The following GRHL2 variants were observed in gnomAD, a reference collection of about 807,000 sequenced individuals.
GRHL2 encodes grainyhead like transcription factor 2.
Under a neutral mutation model 83.8 loss-of-function variants are expected in GRHL2, and 21 were observed. The ratio of observed to expected loss-of-function variants is 0.25; its 90% CI spans 0.18 to 0.36. The LOEUF (loss-of-function observed/expected upper bound fraction) is 0.36, where lower values mean the gene tolerates loss of function less well. GRHL2 is among the 10% of genes least tolerant of loss of function. The pLI is 1.00. For synonymous variants in GRHL2, 280 were observed against 278.9 expected, an observed-to-expected ratio of 1.00 and a Z score of -0.04; for missense variants, 623 against 781.8, an observed-to-expected ratio of 0.80 and a Z score of 2.42.
intron 9 of GRHL2, among the ~76,000 whole-genome samples, chr8:101,624,368 G>A (rs1347323115): frequency 6.9e-6 from 1 of 145,444 alleles, no homozygotes; most frequent in East Asian, 2.2e-4. Context: ...AACAGTGTAG[G>A]GCAGTTCAGA....
Position 101,638,574 on chromosome 8 carries a change from C to T in GRHL2, c.1517+1646C>T, listed in dbSNP as rs143695398. On this transcript the variant is annotated intron_variant, in intron 12 of 15. Coordinates refer to ENST00000646743, the MANE Select transcript of GRHL2 (RefSeq NM_024915.4). ...GCAAAGTCTAAATATTTACTGCCTGCCCCTTTACAGAAAAAGTTTGCCACC... is the reference window on the plus strand; with the variant it reads ...GCAAAGTCTAAATATTTACTGCCTGTCCCTTTACAGAAAAAGTTTGCCACC... 3.7e-3 allele frequency among the ~76,000 whole-genome samples: 564 copies of T among 152,232 alleles called. 4 individuals are homozygous for T. Among genetic ancestry groups the T allele is most frequent in the African/African-American group, 0.013 (521 of 41,522 alleles).
chr8:101,513,668 T>C (rs1002805058), intron 1 of GRHL2, among the ~76,000 whole-genome samples: 1 of 151,906 alleles, frequency 6.6e-6, no homozygotes, highest in African/African-American at 2.4e-5. Context: ...CTAATTTTTG[T>C]ATTTTTAGTA....
chr8:101,652,384 G>GTGGTGTGT (rs1372190037), intron 14 of GRHL2, among the ~76,000 whole-genome samples: 755 of 61,448 alleles, frequency 0.012, 76 homozygotes, highest in Non-Finnish European at 0.017. Flanking sequence ...ATGTGTGTGT[G>GTGGTGTGT]GTGTGTGTGT....
chr8:101,494,169 G>A (rs1335798308), intron 1 of GRHL2, among the ~76,000 whole-genome samples: 1 of 152,170 alleles, frequency 6.6e-6, no homozygotes, highest in Non-Finnish European at 1.5e-5. Context: ...GCCGCGGGCC[G>A]CTGGGCCTGT....
chr8:101,580,541 C>A (rs1229364231), intron 7 of GRHL2, among the ~76,000 whole-genome samples: 2 of 152,038 alleles, frequency 1.3e-5, no homozygotes, highest in Non-Finnish European at 2.9e-5. Context: ...AGGCGAGAGC[C>A]ACTGCGCCTG....
At chr8:101,656,113 C>T (rs765788551) in intron 14 of GRHL2, among the ~76,000 whole-genome samples, 16 of 152,254 alleles carry the variant, frequency 1.1e-4, no homozygotes, top group African/African-American at 2.4e-4. Context: ...ATTCACAGCA[C>T]TTATCACCAC....
In GRHL2 at chr8:101,668,394, A is replaced by T. The variant is rs1814127374; in HGVS notation, c.*1691A>T. On this transcript the variant is annotated 3_prime_UTR_variant, in exon 16 of 16. Transcript: ENST00000646743. ...ATCTGTCCCTGAGATGCAGAGCAGG[A>T]TGGAGGGTCTGCTTCTAGCTCAGCT... 1 of 152,718 alleles carries T rather than the reference A, an allele frequency of 6.5e-6. No individual in the cohort carries two copies. Among genetic ancestry groups the T allele is most frequent in the Non-Finnish European group, 1.5e-5 (1 of 68,116 alleles). The allele number at this position is 152,718 out of a possible 1,614,324, so 9.5% of individuals were successfully genotyped here.
intron 7 of GRHL2, among the ~76,000 whole-genome samples, chr8:101,593,113 A>G (rs1812321418): frequency 6.6e-6 from 1 of 151,576 alleles, no homozygotes; most frequent in Admixed American, 6.6e-5. Flanking sequence ...CGCCTGGCTA[A>G]TTTTTGTATT....
At chr8:101,519,323 CCTTCATTGATT>C (rs1460205917) in intron 1 of GRHL2, among the ~76,000 whole-genome samples, 3 of 151,926 alleles carry the variant, frequency 2.0e-5, no homozygotes, top group Admixed American at 6.6e-5. Flanking sequence ...TGTACTTGGC[CCTTCATTGATT>C]CTTCTACTGT....
chr8:101,678,762 G>C, the GRHL2 span, among the ~76,000 whole-genome samples: 1 of 152,082 alleles, frequency 6.6e-6, no homozygotes, highest in African/African-American at 2.4e-5. Context: ...CTCCTCAAGC[G>C]GGTCCTTGAC....
At chr8:101,521,914 C>T (rs1234234825) in intron 1 of GRHL2, among the ~76,000 whole-genome samples, 1 of 152,090 alleles carries the variant, frequency 6.6e-6, no homozygotes, top group African/African-American at 2.4e-5. Flanking sequence ...TCAACACTGC[C>T]CCCTGCACCT....
chr8:101,520,533 C>T (rs1810661954), intron 1 of GRHL2, among the ~76,000 whole-genome samples: 2 of 152,048 alleles, frequency 1.3e-5, no homozygotes, highest in African/African-American at 2.4e-5. Flanking sequence ...TTCAATCCCA[C>T]GCAGCAGACA....
At chr8:101,509,142 C>T (rs1172005444) in intron 1 of GRHL2, among the ~76,000 whole-genome samples, 84 of 73,170 alleles carry the variant, frequency 1.1e-3, no homozygotes, top group African/African-American at 2.5e-3. Context: ...TCCTTCCTTC[C>T]TTCCTTCCTT....
intron 12 of GRHL2, among the ~76,000 whole-genome samples, chr8:101,639,127 CT>C (rs1813346924): frequency 6.6e-6 from 1 of 152,198 alleles, no homozygotes; most frequent in Non-Finnish European, 1.5e-5. Flanking sequence ...ACTGTCCTTC[CT>C]TGCAAGCTGA....
intron 4 of GRHL2, among the ~76,000 whole-genome samples, chr8:101,569,044 A>G (rs1227687456): frequency 6.6e-6 from 1 of 152,240 alleles, no homozygotes; most frequent in Non-Finnish European, 1.5e-5. Context: ...TGGTCAAAGA[A>G]TGTAAGTTTA....
At chr8:101,671,038 G>T (rs1209928035), downstream of GRHL2, among the ~76,000 whole-genome samples, 4 of 152,204 alleles carry the variant, frequency 2.6e-5, no homozygotes, top group Admixed American at 6.5e-5. Context: ...ACCAAGGGGG[G>T]TGGAGCCAAG....
rs371424751 is a variant in GRHL2, at chr8:101,666,577, C to T, written c.1764-12C>T. The stretch of plus-strand genomic sequence containing the variant: ...GTCTTTGTTTTTCACACCCCTCCCC[C>T]CTCCATGGCAGCATCTTGGTGAACA... On this transcript the variant is annotated splice_polypyrimidine_tract_variant and intron_variant, in intron 15 of 15. Coordinates refer to ENST00000646743, the MANE Select transcript of GRHL2 (RefSeq NM_024915.4). 7.2e-6 allele frequency: 11 copies of T among 1,529,630 alleles called. No homozygotes were observed. The highest frequency in any genetic ancestry group is 2.2e-5 in the South Asian group (2 of 89,392). The allele number at this position is 1,529,630 out of a possible 1,614,324, so 94.8% of individuals were successfully genotyped here. A position where few individuals can be genotyped will look rare whatever the true frequency, so the allele number is the denominator to read the frequency against.
intron 1 of GRHL2, among the ~76,000 whole-genome samples, chr8:101,501,221 C>T (rs1810222201): frequency 6.6e-6 from 1 of 152,176 alleles, no homozygotes; most frequent in Admixed American, 6.5e-5. Context: ...CCTTATTTTA[C>T]TTTGTAATGA....
chr8:101,674,152 A>G (rs1814253250), downstream of GRHL2, among the ~76,000 whole-genome samples: 1 of 152,194 alleles, frequency 6.6e-6, no homozygotes, highest in Non-Finnish European at 1.5e-5. Flanking sequence ...AAAGAATTAG[A>G]AAAGCAAGAG....
Sources: gnomAD v4.1 joint callset for allele counts (sites outside exome capture counted in the v4.1 genomes callset) on GRCh38, gnomAD v4.1.1 for gene constraint, MANE v1.5 for transcripts, NCBI Gene and HGNC (gene_info 2026-07-23, HGNC 2026-07-21) for gene names.